Variants in B4GALNT3 observed in about 807,000 individuals in gnomAD.
B4GALNT3 encodes beta-1,4-N-acetylgalactosaminyltransferase 3.
Under a neutral mutation model 120.2 loss-of-function variants are expected in B4GALNT3, and 86 were observed. That is an observed-to-expected ratio of 0.72 (90% CI 0.60 to 0.86). The LOEUF is 0.86. Among genes scored for constraint, B4GALNT3 ranks in the 40% least tolerant of loss-of-function variants. B4GALNT3 has a pLI of 0.00. For missense variants in B4GALNT3, 1,167 were observed against 1,298.9 expected, an observed-to-expected ratio of 0.90 and a Z score of 1.56; for synonymous variants, 518 against 510.4, an observed-to-expected ratio of 1.01 and a Z score of -0.20.
chr12:499,991 T>C (rs1733130897), intron 1 of B4GALNT3, among the ~76,000 whole-genome samples: 1 of 152,234 alleles, frequency 6.6e-6, no homozygotes, highest in Admixed American at 6.5e-5. Context: ...CCTGCCTCCC[T>C]GGGCTGCTCT....
intron 1 of B4GALNT3, among the ~76,000 whole-genome samples, chr12:476,931 A>C (rs770125009): frequency 3.9e-5 from 6 of 152,158 alleles, no homozygotes; most frequent in Non-Finnish European, 5.9e-5. Context: ...TAGAACATGA[A>C]ATTCTTTTAC....
rs1367644378 is a variant in B4GALNT3, at chr12:460,372, G to A, written c.-5G>A. On this transcript the variant is annotated 5_prime_UTR_variant, in exon 1 of 20. Transcript: ENST00000266383. This position sits in a 1 kb window ranked among gnomAD's most constrained non-coding sequence, Gnocchi z 8.0. The stretch of plus-strand genomic sequence containing the variant: ...CGCTGGCGGCGGCCGCCTCGGCGCA[G>A]CGCCATGGGGAGCCCCCGGGCCGCG... 3.0e-6 allele frequency: 4 copies of A among 1,348,798 alleles called. No individual in the cohort carries two copies. Among genetic ancestry groups the A allele is most frequent in the Middle Eastern group, 2.8e-4 (1 of 3,576 alleles). The allele number at this position is 1,348,798 out of a possible 1,614,324, so 83.6% of individuals were successfully genotyped here.
At chr12:494,233 G>A (rs974409592) in intron 1 of B4GALNT3, among the ~76,000 whole-genome samples, 8 of 151,034 alleles carry the variant, frequency 5.3e-5, no homozygotes, top group African/African-American at 1.5e-4. Context: ...AGCCATGATC[G>A]TGCTACTGTA....
At chr12:483,315 T>A (rs1946259396) in intron 1 of B4GALNT3, among the ~76,000 whole-genome samples, 1 of 152,188 alleles carries the variant, frequency 6.6e-6, no homozygotes, top group Admixed American at 6.5e-5. Context: ...TAGAGAAAAG[T>A]GGCCTGTGGA....
intron 1 of B4GALNT3, among the ~76,000 whole-genome samples, chr12:505,007 C>T (rs1946483234): frequency 6.6e-6 from 1 of 152,052 alleles, no homozygotes; most frequent in Non-Finnish European, 1.5e-5. Context: ...CCTCCTGCCT[C>T]AGCCTCCCGA....
chr12:507,766 C>T (rs906474052), intron 1 of B4GALNT3, among the ~76,000 whole-genome samples: 4 of 152,232 alleles, frequency 2.6e-5, no homozygotes, highest in African/African-American at 2.4e-5. Context: ...CTGTGGCATG[C>T]GGAACATTCC....
At chr12:502,286 C>T (rs1041189239) in intron 1 of B4GALNT3, among the ~76,000 whole-genome samples, 4 of 152,304 alleles carry the variant, frequency 2.6e-5, no homozygotes, top group South Asian at 4.1e-4. Flanking sequence ...TGTGTCCCAG[C>T]GTCCTGCAGC....
chr12:509,917 C>T (rs1384192726), intron 1 of B4GALNT3, among the ~76,000 whole-genome samples: 1 of 152,162 alleles, frequency 6.6e-6, no homozygotes, highest in Non-Finnish European at 1.5e-5. Context: ...CTGTTTCATC[C>T]CTTGCTGCAT....
Position 462,500 on chromosome 12 carries a change from C to T in B4GALNT3, c.169+1955C>T, listed in dbSNP as rs1592005204. The stretch of plus-strand genomic sequence containing the variant: ...CAATTCTTGAGTCTGTTGGGTTCCC[C>T]TCCCAGAAGAATCTTAACTCTCTGA... On this transcript the variant is annotated intron_variant, in intron 1 of 19. Transcript: ENST00000266383. Among the ~76,000 whole-genome samples, 3 of 151,564 alleles carry T rather than the reference C, an allele frequency of 2.0e-5. No homozygotes were observed. The East Asian group carries it at 5.8e-4, about 29-fold the overall frequency.
chr12:546,103 T>C (rs1592052484), intron 6 of B4GALNT3, among the ~76,000 whole-genome samples: 1 of 97,710 alleles, frequency 1.0e-5, no homozygotes, highest in Non-Finnish European at 2.1e-5. Context: ...TGTGGGAAAG[T>C]GGGGAGTGAG....
chr12:525,092 T>TTATTTATTTATTTATTTATG (rs1555156532), intron 1 of B4GALNT3, among the ~76,000 whole-genome samples: 2 of 151,000 alleles, frequency 1.3e-5, no homozygotes, highest in Admixed American at 1.3e-4. Context: ...ACAATTTTAT[T>TTATTTATTTATTTATTTATG]TATTTATTTA....
intron 1 of B4GALNT3, among the ~76,000 whole-genome samples, chr12:525,537 C>T (rs1946752705): frequency 6.6e-6 from 1 of 152,126 alleles, no homozygotes; most frequent in South Asian, 2.1e-4. Flanking sequence ...ACTCTTTTTC[C>T]AATCTTCAGT....
chr12:500,232 C>T (rs1592024932), intron 1 of B4GALNT3, among the ~76,000 whole-genome samples: 2 of 152,266 alleles, frequency 1.3e-5, no homozygotes, highest in East Asian at 3.8e-4. Flanking sequence ...CAGCCCCAAA[C>T]TCCTGGGCTC....
intron 1 of B4GALNT3, among the ~76,000 whole-genome samples, chr12:475,218 T>C (rs1329192367): frequency 6.6e-6 from 1 of 152,202 alleles, no homozygotes; most frequent in Non-Finnish European, 1.5e-5. Flanking sequence ...TTTTGCATAC[T>C]ATTTTGGGAG....
intron 1 of B4GALNT3, among the ~76,000 whole-genome samples, chr12:519,896 ACT>A (rs1216435163): frequency 6.6e-6 from 1 of 151,784 alleles, no homozygotes; most frequent in Non-Finnish European, 1.5e-5. Flanking sequence ...CATGGAAAGT[ACT>A]CTCTCATTGG....
At chr12:489,457 A>C (rs1208794309) in intron 1 of B4GALNT3, among the ~76,000 whole-genome samples, 1 of 152,208 alleles carries the variant, frequency 6.6e-6, no homozygotes, top group Non-Finnish European at 1.5e-5. Flanking sequence ...TTTAATAATC[A>C]TTTTAACTGT....
intron 1 of B4GALNT3, among the ~76,000 whole-genome samples, chr12:466,423 T>C (rs1432885546): frequency 6.6e-6 from 1 of 152,210 alleles, no homozygotes; most frequent in Admixed American, 6.5e-5. Context: ...AACTACGCTT[T>C]TATTTTCCAC....
chr12:467,383 A>C (rs1339766289), intron 1 of B4GALNT3, among the ~76,000 whole-genome samples: 1 of 152,094 alleles, frequency 6.6e-6, no homozygotes, highest in African/African-American at 2.4e-5. Context: ...ACATGATGAA[A>C]GCCCATCTCT....
chr12:488,394 G>A lies in B4GALNT3; in HGVS notation c.169+27849G>A, dbSNP rs527699691. On this transcript the variant is annotated intron_variant, in intron 1 of 19. Coordinates refer to ENST00000266383, the MANE Select transcript of B4GALNT3 (RefSeq NM_173593.4). ...AATAACTGAAGGTAAAATAAAAATT[G>A]TAATTCTTCATTGATCTAACAGATA... Among the ~76,000 whole-genome samples the A allele has an allele frequency of 2.9e-4, 44 of 152,248 alleles. 1 individual carries two copies. Among genetic ancestry groups the A allele is most frequent in the Non-Finnish European group, 2.6e-4 (18 of 68,020 alleles).
Sources: allele counts gnomAD v4.1 joint callset (sites outside exome capture counted in the v4.1 genomes callset), GRCh38; gene constraint gnomAD v4.1.1; non-coding constraint Gnocchi (gnomAD v3.1); transcripts MANE v1.5; gene names NCBI Gene and HGNC (gene_info 2026-07-23, HGNC 2026-07-21).